Variants in FOXP1 observed in about 807,000 individuals in gnomAD.
FOXP1 encodes forkhead box P1.
Under a neutral mutation model 98.2 loss-of-function variants are expected in FOXP1, and 15 were observed. The ratio of observed to expected loss-of-function variants is 0.15; its 90% CI spans 0.10 to 0.24. The LOEUF (loss-of-function observed/expected upper bound fraction) is 0.24, where lower values mean the gene tolerates loss of function less well. FOXP1 is among the 10% of genes least tolerant of loss of function. FOXP1 has a pLI of 1.00. For synonymous variants in FOXP1, 371 were observed against 314.5 expected, an observed-to-expected ratio of 1.18 and a Z score of -1.90; for missense variants, 633 against 848.5, an observed-to-expected ratio of 0.75 and a Z score of 3.15.
At chr3:71,112,397 T>C (rs2058016951) in intron 7 of FOXP1, 139 bp downstream of exon 7, 1 of 716,770 alleles carries the variant, frequency 1.4e-6, no homozygotes, top group Non-Finnish European at 2.4e-6. Context: ...ATGTTACAAC[T>C]TGCTGGTAAA....
intron 5 of FOXP1, among the ~76,000 whole-genome samples, chr3:71,229,057 A>G (rs1148747): frequency 0.84 from 126,734 of 150,776 alleles, 53,322 homozygotes; most frequent in East Asian, 0.9. Context: ...TGGCCTTTTA[A>G]GGGGAAAGAG....
intron 4 of FOXP1, among the ~76,000 whole-genome samples, chr3:71,305,480 G>A (rs1560278186): frequency 1.3e-5 from 2 of 152,182 alleles, no homozygotes; most frequent in African/African-American, 2.4e-5. Context: ...CCTTCGGGGA[G>A]GACCCTGGCC....
intron 2 of FOXP1, among the ~76,000 whole-genome samples, chr3:71,538,611 C>T (rs1017660883): frequency 5.9e-5 from 9 of 152,200 alleles, no homozygotes; most frequent in African/African-American, 2.2e-4. Context: ...AATCATTCTC[C>T]TATGAACATT....
At chr3:71,190,704 T>C (rs1293595717) in intron 6 of FOXP1, among the ~76,000 whole-genome samples, 1 of 144,124 alleles carries the variant, frequency 6.9e-6, no homozygotes, top group African/African-American at 2.6e-5. Flanking sequence ...AAGAAATAAA[T>C]TGCAGCTGTT....
In FOXP1 at chr3:71,262,264, CAAAAAAAAAAAAAAAAA is replaced by C. The variant is rs71104433; in HGVS notation, c.-12+37539_-12+37555del. Among the ~76,000 whole-genome samples the C allele has an allele frequency of 9.7e-4, 25 of 25,714 alleles. 2 individuals carry two copies. The South Asian group carries it at 0.012, about 13-fold the overall frequency. 16.9% of individuals were successfully genotyped at this position (25,714 alleles called of 152,430 possible). A position where few individuals can be genotyped will look rare whatever the true frequency, so the allele number is the denominator to read the frequency against. ...CTGGCAACAGGACAAGACTCTGTCA[CAAAAAAAAAAAAAAAAA>C]AAAAAAAAAAAAAAAAAAAAATTGT... On this transcript the variant is annotated intron_variant, in intron 5 of 20. Transcript: ENST00000649528.
chr3:71,082,437 G>A (rs1254212992), intron 7 of FOXP1, among the ~76,000 whole-genome samples: 2 of 151,268 alleles, frequency 1.3e-5, no homozygotes, highest in African/African-American at 4.9e-5. Context: ...ATGAACACAT[G>A]GACACAGGGA....
Position 71,444,133 on chromosome 3 carries a change from G to T in FOXP1, c.-168+49293C>A, listed in dbSNP as rs553020434. On this transcript the variant is annotated intron_variant, in intron 3 of 20. Transcript: ENST00000649528. ...TCAATTGGCACTGGTTTCTGTTAAC[G>T]AACAGACTGGCCTGCGCCAACCACA... 2.6e-5 allele frequency among the ~76,000 whole-genome samples: 4 copies of T among 152,118 alleles called. No individual in the cohort carries two copies. The East Asian group carries it at 7.7e-4, about 29-fold the overall frequency.
At chr3:71,139,590 C>A in intron 6 of FOXP1, among the ~76,000 whole-genome samples, 1 of 147,846 alleles carries the variant, frequency 6.8e-6, no homozygotes, top group East Asian at 1.9e-4. Flanking sequence ...CGACTTTGAA[C>A]AACTTTGGAT....
chr3:71,583,026 C>T (rs999466877), intron 1 of FOXP1, among the ~76,000 whole-genome samples: 21 of 151,902 alleles, frequency 1.4e-4, no homozygotes, highest in African/African-American at 4.3e-4. Flanking sequence ...GCCTAGGAGG[C>T]GCCCGGCGCG....
intron 2 of FOXP1, among the ~76,000 whole-genome samples, chr3:71,546,002 C>T (rs139016757): frequency 5.3e-5 from 8 of 152,290 alleles, no homozygotes; most frequent in Admixed American, 4.6e-4. Flanking sequence ...TCGAGTTAAC[C>T]TTAATCAACT....
intron 12 of FOXP1, among the ~76,000 whole-genome samples, chr3:71,014,213 A>C (rs1415995656): frequency 1.3e-5 from 2 of 152,232 alleles, no homozygotes; most frequent in Non-Finnish European, 2.9e-5. Context: ...CAGAGTGAAC[A>C]GGCAACCTAC....
intron 6 of FOXP1, among the ~76,000 whole-genome samples, chr3:71,154,236 A>G (rs182976583): frequency 2.6e-5 from 4 of 152,074 alleles, no homozygotes; most frequent in African/African-American, 9.7e-5. Context: ...GGGTGTGGTG[A>G]GAACATTTGA....
At chr3:70,979,295 AAAAAAAAAAAAAAAAAAAAAAAAAAG>A (rs1559626015) in intron 14 of FOXP1, among the ~76,000 whole-genome samples, 1 of 143,050 alleles carries the variant, frequency 7.0e-6, no homozygotes, top group Non-Finnish European at 1.5e-5. Context: ...AAAAAAAAAA[AAAAAAAAAAAAAAAAAAAAAAAAAAG>A]AAAAAAATAA....
chr3:71,403,267 C>T (rs1308588528), intron 3 of FOXP1, among the ~76,000 whole-genome samples: 2 of 152,144 alleles, frequency 1.3e-5, no homozygotes, highest in Non-Finnish European at 2.9e-5. Flanking sequence ...TTCAAAATTC[C>T]AGCTGGGGCT....
chr3:71,313,119 G>A (rs1228959716), intron 4 of FOXP1, among the ~76,000 whole-genome samples: 1 of 148,110 alleles, frequency 6.8e-6, no homozygotes, highest in Non-Finnish European at 1.5e-5. Flanking sequence ...GAGTGCAGTG[G>A]CGCAATCTCG....
At chr3:71,115,449 G>C (rs1281861170) in intron 6 of FOXP1, among the ~76,000 whole-genome samples, 3 of 151,710 alleles carry the variant, frequency 2.0e-5, no homozygotes, top group Non-Finnish European at 2.9e-5. Context: ...CAATTCTCCT[G>C]CCTCAGCCTC....
chr3:71,360,932 T>A (rs2078518255), intron 3 of FOXP1, among the ~76,000 whole-genome samples: 1 of 152,188 alleles, frequency 6.6e-6, no homozygotes, highest in Non-Finnish European at 1.5e-5. Context: ...AGAGATGGTG[T>A]TCCCAGTGGG....
intron 3 of FOXP1, among the ~76,000 whole-genome samples, chr3:71,398,490 CT>C (rs1389964055): frequency 2.0e-5 from 3 of 152,286 alleles, no homozygotes; most frequent in Admixed American, 2.0e-4. Context: ...AATGTGAACC[CT>C]TTTCACCCTG....
chr3:71,108,966 A>G (rs901292318), intron 7 of FOXP1, among the ~76,000 whole-genome samples: 1 of 152,244 alleles, frequency 6.6e-6, no homozygotes, highest in East Asian at 1.9e-4. Context: ...GATCATTCTG[A>G]TTCTGAATTT....
Sources: allele counts gnomAD v4.1 joint callset (sites outside exome capture counted in the v4.1 genomes callset), GRCh38; gene constraint gnomAD v4.1.1; transcripts MANE v1.5; gene names NCBI Gene and HGNC (gene_info 2026-07-23, HGNC 2026-07-21).